Variants in CD86 observed in about 807,000 individuals in gnomAD.
The protein encoded by CD86 is T-lymphocyte activation antigen CD86.
A neutral mutation model predicts 32.1 loss-of-function variants in CD86; 11 were observed. The ratio of observed to expected loss-of-function variants is 0.34; its 90% CI spans 0.22 to 0.57. CD86 has a LOEUF of 0.57. Among genes scored for constraint, CD86 ranks in the 20% least tolerant of loss-of-function variants. The pLI is 0.86. For missense variants in CD86, 359 were observed against 398.4 expected (o/e 0.90, Z 0.84); for synonymous variants, 137 against 135.3 (o/e 1.01, Z -0.09).
intron 5 of CD86, among the ~76,000 whole-genome samples, chr3:122,113,832 C>A (rs746084125): frequency 6.6e-6 from 1 of 152,128 alleles, no homozygotes; most frequent in Non-Finnish European, 1.5e-5. Flanking sequence ...ATACTGTCTT[C>A]AAATATCTGA....
At chr3:122,081,648 G>A (rs2072635847) in intron 1 of CD86, among the ~76,000 whole-genome samples, 1 of 152,212 alleles carries the variant, frequency 6.6e-6, no homozygotes, top group Non-Finnish European at 1.5e-5. Flanking sequence ...AAACAGTGCA[G>A]TGGCCCAGGC....
At chr3:122,110,464 C>A (rs1266447600) in intron 5 of CD86, among the ~76,000 whole-genome samples, 1 of 152,168 alleles carries the variant, frequency 6.6e-6, no homozygotes, top group African/African-American at 2.4e-5. Flanking sequence ...AACCTTCTAA[C>A]TCACTTATGG....
chr3:122,115,740 CAAAAAAAAAAAAAAAA>C (rs769868417), intron 5 of CD86, among the ~76,000 whole-genome samples: 1 of 27,538 alleles, frequency 3.6e-5, no homozygotes, highest in Non-Finnish European at 6.9e-5. Flanking sequence ...AACTCCCTCT[CAAAAAAAAAAAAAAAA>C]AAAAAAAAAA....
chr3:122,100,062 A>G (rs986260229), intron 2 of CD86, among the ~76,000 whole-genome samples: 8 of 152,310 alleles, frequency 5.3e-5, no homozygotes, highest in African/African-American at 1.7e-4. Flanking sequence ...TTTCAGGGTT[A>G]TGTCATAAGA....
At chr3:122,100,806 C>A (rs1346455872) in intron 2 of CD86, among the ~76,000 whole-genome samples, 1 of 152,180 alleles carries the variant, frequency 6.6e-6, no homozygotes, top group East Asian at 1.9e-4. Context: ...AGACTTCGAC[C>A]ATTCCTCTTA....
At chr3:122,106,869 C>CACACACACA (rs1335053436) in intron 4 of CD86, among the ~76,000 whole-genome samples, 6 of 151,736 alleles carry the variant, frequency 4.0e-5, no homozygotes, top group Non-Finnish European at 7.4e-5. Context: ...CACACACACA[C>CACACACACA]ACCATGCATA....
rs115237663 is a variant in CD86 at position 122,104,425 on chromosome 3, G to A, written c.400+578G>A. Among the ~76,000 whole-genome samples, 789 of 152,224 alleles carry A rather than the reference G, an allele frequency of 5.2e-3. 2 individuals are homozygous for A. Among genetic ancestry groups the A allele is most frequent in the African/African-American group, 0.012 (506 of 41,536 alleles). ...TTACAAACCAGCTCCTCTGCTTCAC[G>A]AGACCTTGGAAGGCCTAAATGCCAC... On this transcript the variant is annotated intron_variant, in intron 3 of 6. Coordinates refer to ENST00000330540, the MANE Select transcript of CD86 (RefSeq NM_175862.5).
intron 4 of CD86, 145 bp downstream of exon 4, chr3:122,106,645 C>T (rs184920936): frequency 6.6e-4 from 455 of 685,370 alleles, no homozygotes; most frequent in Admixed American, 1.8e-3. Context: ...ATGGAGGTCT[C>T]CTGCTTCTCC....
chr3:122,110,248 T>C (rs2107545440), intron 5 of CD86, among the ~76,000 whole-genome samples: 1 of 152,352 alleles, frequency 6.6e-6, no homozygotes, highest in East Asian at 1.9e-4. Context: ...TTTTGGACAC[T>C]TGAGTTAGTC....
chr3:122,100,115 G>A (rs62269247), intron 2 of CD86, among the ~76,000 whole-genome samples: 15,798 of 152,148 alleles, frequency 0.1, 859 homozygotes, highest in Non-Finnish European at 0.12. Context: ...GTGTAGACCT[G>A]TGGAGTTGAC....
At chr3:122,106,765 T>C (rs1425862618) in intron 4 of CD86, among the ~76,000 whole-genome samples, 2 of 151,918 alleles carry the variant, frequency 1.3e-5, no homozygotes, top group East Asian at 3.9e-4. Context: ...TGGAGGATTC[T>C]GAAGTTTTGA....
At position 122,067,854 on chromosome 3, in the gene CD86, T is replaced by G. The variant is rs546968540; in HGVS notation, c.14+12351T>G. Among the ~76,000 whole-genome samples, 3 of 152,352 alleles carry G rather than the reference T, an allele frequency of 2.0e-5. No individual in the cohort carries two copies. In the South Asian group the frequency reaches 6.2e-4, roughly 32 times the overall value. On this transcript the variant is annotated intron_variant, in intron 1 of 6. Coordinates refer to ENST00000330540, the MANE Select transcript of CD86 (RefSeq NM_175862.5). ...TTCTTTCAGGGAGTAATGCCTCTTG[T>G]GTGGTGGCAGACCCTTCAAGTCTTC...
In CD86 at chr3:122,074,142, G is replaced by A. The variant is rs115293573; in HGVS notation, c.15-17459G>A. On this transcript the variant is annotated intron_variant, in intron 1 of 6. Coordinates refer to ENST00000330540, the MANE Select transcript of CD86 (RefSeq NM_175862.5). ...ACAGTGGGGAATGAGAATATCTACT[G>A]ATGCTGGGCCCCATGAGCAAAGCAT... Among the ~76,000 whole-genome samples the A allele has an allele frequency of 1.4e-3, 209 of 152,304 alleles. 1 individual carries two copies. Among genetic ancestry groups the A allele is most frequent in the African/African-American group, 4.6e-3 (192 of 41,566 alleles).
intron 6 of CD86, among the ~76,000 whole-genome samples, 185 bp downstream of exon 6, chr3:122,118,278 C>T (rs2073287692): frequency 6.6e-6 from 1 of 152,098 alleles, no homozygotes; most frequent in Non-Finnish European, 1.5e-5. Context: ...ACAGGGTATC[C>T]AATGCACAAT....
intron 3 of CD86, among the ~76,000 whole-genome samples, chr3:122,105,806 C>T (rs2073081475): frequency 6.6e-6 from 1 of 152,118 alleles, no homozygotes; most frequent in South Asian, 2.1e-4. Context: ...TCAATTCCTT[C>T]CTGCTCTCTT....
intron 1 of CD86, among the ~76,000 whole-genome samples, chr3:122,063,656 T>A (rs1286799037): frequency 6.6e-6 from 1 of 151,504 alleles, no homozygotes; most frequent in Non-Finnish European, 1.5e-5. Flanking sequence ...TGGAGTGCAG[T>A]AGTGCAATCT....
chr3:122,072,424 A>C (rs1028311092), intron 1 of CD86, among the ~76,000 whole-genome samples: 5 of 152,182 alleles, frequency 3.3e-5, no homozygotes, highest in Admixed American at 3.3e-4. Context: ...TTGCCATTCT[A>C]ACTGGTGTGA....
intron 5 of CD86, among the ~76,000 whole-genome samples, chr3:122,111,287 G>A (rs1292575658): frequency 6.6e-6 from 1 of 152,186 alleles, no homozygotes; most frequent in Non-Finnish European, 1.5e-5. Flanking sequence ...TGTAACTTCA[G>A]CAATATCTGC....
chr3:122,087,117 G>A (rs186915959), intron 1 of CD86, among the ~76,000 whole-genome samples: 16 of 152,238 alleles, frequency 1.1e-4, no homozygotes, highest in African/African-American at 3.4e-4. Context: ...TCTCTGATGG[G>A]CCAGACATAC....
Sources: gnomAD v4.1 joint callset for allele counts (sites outside exome capture counted in the v4.1 genomes callset) on GRCh38, gnomAD v4.1.1 for gene constraint, MANE v1.5 for transcripts, NCBI Gene and HGNC (gene_info 2026-07-23, HGNC 2026-07-21) for gene names.